The following FAM114A1 variants were observed in gnomAD, a reference collection of about 807,000 sequenced individuals.
FAM114A1 encodes protein NOXP20.
FAM114A1 carries 62 observed loss-of-function variants against 64.3 expected under a neutral mutation model. The ratio of observed to expected loss-of-function variants is 0.96; its 90% confidence interval spans 0.79 to 1.19. The LOEUF (loss-of-function observed/expected upper bound fraction) is 1.19, where lower values mean the gene tolerates loss of function less well. Among genes scored for constraint, FAM114A1 ranks in the 50% most tolerant of loss-of-function variants. The pLI, the probability that FAM114A1 is intolerant of heterozygous loss-of-function variation, is 0.00. For synonymous variants in FAM114A1, 254 were observed against 251.1 expected, an observed-to-expected ratio of 1.01 and a Z score of -0.11; for missense variants, 645 against 676.3, an observed-to-expected ratio of 0.95 and a Z score of 0.51.
intron 8 of FAM114A1, among the ~76,000 whole-genome samples, chr4:38,917,180 A>ATAAG: frequency 6.8e-6 from 1 of 146,936 alleles, no homozygotes; most frequent in East Asian, 2.0e-4. Context: ...AAATAAATAA[A>ATAAG]TAAATAAAAA....
chr4:38,878,070 G>T lies in FAM114A1; in HGVS notation c.-8-1G>T. On this transcript the variant is annotated splice_acceptor_variant, in intron 2 of 14. Transcript: ENST00000358869. LOFTEE classifies it low-confidence loss of function (5UTR_SPLICE). ...TGAGGTGTTTATAATTGTGTTGACA[G>T]ATACTAAAATGTCTGATGATGCTGG... The T allele has an allele frequency of 6.3e-7, 1 of 1,590,814 alleles. No individual in the cohort carries two copies.
At chr4:38,927,833 G>A (rs13113644) in intron 9 of FAM114A1, among the ~76,000 whole-genome samples, 33,428 of 151,820 alleles carry the variant, frequency 0.22, 4,142 homozygotes, top group East Asian at 0.52. Flanking sequence ...ACAGGCGCCC[G>A]CCTCCGCGCC....
chr4:38,929,365 A>T (rs1720435209), intron 10 of FAM114A1, 32 bp downstream of exon 10: 1 of 1,407,936 alleles, frequency 7.1e-7, no homozygotes, highest in South Asian at 1.2e-5. Flanking sequence ...GTTTCTGGTT[A>T]AAAAAAAACA....
intron 2 of FAM114A1, among the ~76,000 whole-genome samples, chr4:38,869,658 G>A (rs533549988): frequency 4.2e-4 from 64 of 152,146 alleles, no homozygotes; most frequent in African/African-American, 1.5e-3. Context: ...GCTACAACCT[G>A]ATTAAGAGCC....
chr4:38,915,988 A>G (rs1719020477), intron 8 of FAM114A1, among the ~76,000 whole-genome samples: 1 of 152,186 alleles, frequency 6.6e-6, no homozygotes, highest in Non-Finnish European at 1.5e-5. Context: ...GGTGACATTC[A>G]TTGAGGAGAG....
intron 4 of FAM114A1, among the ~76,000 whole-genome samples, chr4:38,903,720 A>T (rs1164144084): frequency 6.6e-6 from 1 of 152,240 alleles, no homozygotes. Context: ...AAGCCTTAAC[A>T]GTCGCAATAC....
intron 3 of FAM114A1, among the ~76,000 whole-genome samples, chr4:38,878,868 C>A (rs1214272870): frequency 6.6e-6 from 1 of 152,132 alleles, no homozygotes; most frequent in Non-Finnish European, 1.5e-5. Flanking sequence ...CTGATTCCAC[C>A]CTAAACAAGT....
At position 38,908,632 on chromosome 4, in the gene FAM114A1, T is replaced by C. The variant is rs1718242940; in HGVS notation, c.698T>C (p.Phe233Ser). The change falls in exon 7 of 15, where the codon TTC becomes TCC. Residue 233 changes from phenylalanine to serine, a missense_variant. Transcript: ENST00000358869. ...ACTGGAGGCCTTGATGCGTTGGAAT[T>C]CATCGGCAAGAAAACCATGAATGTC... ...VLTGGLDALE[F>S]IGKKTMNVLA... is the part of the protein sequence containing the mutation. 6.2e-7 allele frequency: 1 copy of C among 1,613,388 alleles called. No individual in the cohort carries two copies. The highest frequency in any genetic ancestry group is 1.3e-5 in the African/African-American group (1 of 74,912).
chr4:38,944,216 G>A lies in FAM114A1; in HGVS notation c.*659G>A, dbSNP rs2109826674. 6.6e-6 allele frequency: 1 copy of A among 152,086 alleles called. No individual in the cohort carries two copies. Among genetic ancestry groups the A allele is most frequent in the Admixed American group, 6.5e-5 (1 of 15,270 alleles). The allele number at this position is 152,086 out of a possible 1,614,324, so 9.4% of individuals were successfully genotyped here. On this transcript the variant is annotated 3_prime_UTR_variant, in exon 15 of 15. Transcript: ENST00000358869. ...CCTGAGTAGCTGGGACTACAGGTGT[G>A]TGCCACCACGCCCAGCCAATTTTTT...
intron 4 of FAM114A1, among the ~76,000 whole-genome samples, chr4:38,900,824 GA>G (rs1560303674): frequency 1.3e-5 from 2 of 152,066 alleles, no homozygotes; most frequent in African/African-American, 2.4e-5. Context: ...TTATACAAGG[GA>G]AAAAGTTCTG....
At chr4:38,896,377 G>A (rs1362337879) in intron 4 of FAM114A1, among the ~76,000 whole-genome samples, 1 of 152,216 alleles carries the variant, frequency 6.6e-6, no homozygotes, top group Non-Finnish European at 1.5e-5. Context: ...TGTAGTAATA[G>A]TAGTTAAAAC....
chr4:38,899,069 G>T (rs2109645095), intron 4 of FAM114A1, among the ~76,000 whole-genome samples: 1 of 149,896 alleles, frequency 6.7e-6, no homozygotes, highest in South Asian at 2.1e-4. Flanking sequence ...CCATTCAGTG[G>T]AATACTATGC....
At chr4:38,878,046 G>A in intron 2 of FAM114A1, 25 bp from the exon 3 acceptor site, 1 of 1,529,288 alleles carries the variant, frequency 6.5e-7, no homozygotes, top group Non-Finnish European at 8.9e-7. Flanking sequence ...ATGAAAGCAT[G>A]AGGTGTTTAT....
intron 13 of FAM114A1, among the ~76,000 whole-genome samples, chr4:38,937,902 T>A (rs1721246140): frequency 2.0e-5 from 3 of 151,962 alleles, no homozygotes; most frequent in Admixed American, 2.0e-4. Flanking sequence ...TCCCAGCTAA[T>A]TTTTTTGTAT....
chr4:38,894,326 C>A (rs1560298893), intron 4 of FAM114A1, among the ~76,000 whole-genome samples: 1 of 152,128 alleles, frequency 6.6e-6, no homozygotes, highest in Non-Finnish European at 1.5e-5. Flanking sequence ...ATAAATACTG[C>A]ATCTTGTTAC....
rs1435706157 is a variant in FAM114A1, at chr4:38,945,258, G to T, written c.*1701G>T. The T allele has an allele frequency of 6.6e-6, 1 of 152,194 alleles. No individual in the cohort carries two copies. Among genetic ancestry groups the T allele is most frequent in the Non-Finnish European group, 1.5e-5 (1 of 68,026 alleles). 9.4% of individuals were successfully genotyped at this position (152,194 alleles called of 1,614,324 possible). A position where few individuals can be genotyped will look rare whatever the true frequency, so the allele number is the denominator to read the frequency against. ...ATATCATCATCGTTGCTAAAGGACAGAAAATACTGATGTGTGTTTTAACTA... is the reference window on the plus strand; with the variant it reads ...ATATCATCATCGTTGCTAAAGGACATAAAATACTGATGTGTGTTTTAACTA... On this transcript the variant is annotated 3_prime_UTR_variant, in exon 15 of 15. Coordinates refer to ENST00000358869, the MANE Select transcript of FAM114A1 (RefSeq NM_138389.4).
chr4:38,920,131 C>T (rs950536079), intron 8 of FAM114A1, among the ~76,000 whole-genome samples: 2 of 151,614 alleles, frequency 1.3e-5, no homozygotes, highest in Non-Finnish European at 1.5e-5. Flanking sequence ...CGCTTGAACC[C>T]GGGAGGCGGA....
chr4:38,927,503 G>A (rs1720231406), intron 9 of FAM114A1, among the ~76,000 whole-genome samples: 1 of 152,030 alleles, frequency 6.6e-6, no homozygotes, highest in Non-Finnish European at 1.5e-5. Flanking sequence ...CACCCCCAAA[G>A]CCTCACCTCC....
intron 3 of FAM114A1, among the ~76,000 whole-genome samples, chr4:38,887,244 A>G (rs1043660169): frequency 9.8e-5 from 15 of 152,338 alleles, no homozygotes; most frequent in African/African-American, 3.4e-4. Flanking sequence ...GAAGATGACA[A>G]ACTGAAAAAC....
Sources: gnomAD v4.1 joint callset for allele counts (sites outside exome capture counted in the v4.1 genomes callset) on GRCh38, gnomAD v4.1.1 for gene constraint, MANE v1.5 for transcripts, NCBI Gene and HGNC (gene_info 2026-07-23, HGNC 2026-07-21) for gene names.